Variants in PTPRO observed in about 807,000 individuals in gnomAD.
The protein encoded by PTPRO is protein tyrosine phosphatase receptor type O.
PTPRO carries 62 observed loss-of-function variants against 145.2 expected under a neutral mutation model. The observed-to-expected ratio is 0.43, with a 90% CI of 0.35 to 0.53. The LOEUF (loss-of-function observed/expected upper bound fraction) is 0.53. Among genes scored for constraint, PTPRO ranks in the 20% least tolerant of loss-of-function variants. PTPRO has a pLI of 0.01. For synonymous variants in PTPRO, 565 were observed against 514.7 expected (o/e 1.10, Z -1.32); for missense variants, 1,345 against 1,482.7 (o/e 0.91, Z 1.53).
intron 1 of PTPRO, among the ~76,000 whole-genome samples, chr12:15,467,298 A>G (rs1941437299): frequency 6.6e-6 from 1 of 152,222 alleles, no homozygotes; most frequent in Admixed American, 6.5e-5. Flanking sequence ...TTGGATGCCC[A>G]CAGTCATCTC....
At chr12:15,342,340 C>A (rs1867023424) in intron 1 of PTPRO, among the ~76,000 whole-genome samples, 1 of 152,128 alleles carries the variant, frequency 6.6e-6, no homozygotes, top group South Asian at 2.1e-4. Flanking sequence ...ATACCCATAC[C>A]ACCCAGCATT....
chr12:15,343,673 C>T (rs75495075), intron 1 of PTPRO, among the ~76,000 whole-genome samples: 2,908 of 152,198 alleles, frequency 0.019, 100 homozygotes, highest in East Asian at 0.11. Context: ...GATGAAACAG[C>T]AAGACCCTGT....
chr12:15,336,422 C>T (rs1032303595), intron 1 of PTPRO, among the ~76,000 whole-genome samples: 1 of 152,104 alleles, frequency 6.6e-6, no homozygotes, highest in Non-Finnish European at 1.5e-5. Context: ...ATCATAGATA[C>T]AGATTGTAAC....
chr12:15,586,713 A>T (rs1196964748), intron 23 of PTPRO, among the ~76,000 whole-genome samples, 184 bp from the exon 24 acceptor site: 1 of 151,976 alleles, frequency 6.6e-6, no homozygotes, highest in East Asian at 1.9e-4. Flanking sequence ...TTATACAATT[A>T]GCGTGGTTTT....
At chr12:15,557,592 A>G (rs1943668846) in intron 16 of PTPRO, 69 bp downstream of exon 16, 1 of 1,425,932 alleles carries the variant, frequency 7.0e-7, no homozygotes, top group African/African-American at 1.4e-5. Flanking sequence ...AGTCGATTTT[A>G]CTATCCTTTG....
At chr12:15,565,772 C>T (rs1227038880) in intron 18 of PTPRO, 144 bp downstream of exon 18, 1 of 618,192 alleles carries the variant, frequency 1.6e-6, no homozygotes, top group African/African-American at 1.8e-5. Context: ...CAATAATGTA[C>T]TGGTTGTTTA....
At chr12:15,335,795 C>T (rs1187484242) in intron 1 of PTPRO, among the ~76,000 whole-genome samples, 2 of 152,028 alleles carry the variant, frequency 1.3e-5, no homozygotes, top group African/African-American at 4.8e-5. Flanking sequence ...AAATAAAATA[C>T]AGTTGCATCT....
chr12:15,414,368 G>T (rs1310370104), intron 1 of PTPRO, among the ~76,000 whole-genome samples: 7 of 152,202 alleles, frequency 4.6e-5, no homozygotes, highest in Admixed American at 4.6e-4. Flanking sequence ...AAGCATTCAA[G>T]ATCCCAGAAC....
chr12:15,484,455 A>C (rs915134435), intron 2 of PTPRO, among the ~76,000 whole-genome samples: 5 of 152,134 alleles, frequency 3.3e-5, no homozygotes, highest in Admixed American at 6.6e-5. Flanking sequence ...ATATTTTTAA[A>C]CCCAAAAAAG....
chr12:15,379,609 A>G (rs550562305), intron 1 of PTPRO, among the ~76,000 whole-genome samples: 2 of 152,252 alleles, frequency 1.3e-5, no homozygotes, highest in Admixed American at 1.3e-4. Context: ...ATTTGGCAAT[A>G]AAAAATGAAT....
chr12:15,486,950 G>A (rs1308470610), intron 2 of PTPRO, among the ~76,000 whole-genome samples: 2 of 152,050 alleles, frequency 1.3e-5, no homozygotes, highest in African/African-American at 2.4e-5. Flanking sequence ...CTGGGTTTAA[G>A]GTATTAGACA....
At chr12:15,376,483 A>C (rs1314288693) in intron 1 of PTPRO, among the ~76,000 whole-genome samples, 3 of 152,254 alleles carry the variant, frequency 2.0e-5, no homozygotes, top group Non-Finnish European at 4.4e-5. Flanking sequence ...ATGAAAATAC[A>C]CTAGACAGTA....
chr12:15,574,466 C>T (rs1355456147), intron 19 of PTPRO, among the ~76,000 whole-genome samples: 1 of 152,204 alleles, frequency 6.6e-6, no homozygotes, highest in African/African-American at 2.4e-5. Context: ...TAAAGGCCCT[C>T]ACCATCTCTG....
chr12:15,464,795 A>T (rs182318129), intron 1 of PTPRO, among the ~76,000 whole-genome samples: 1 of 152,194 alleles, frequency 6.6e-6, no homozygotes, highest in Non-Finnish European at 1.5e-5. Context: ...CATCTTATGA[A>T]CAGAGGCTTT....
chr12:15,462,761 C>T (rs1235663383), intron 1 of PTPRO, among the ~76,000 whole-genome samples: 1 of 152,122 alleles, frequency 6.6e-6, no homozygotes, highest in Non-Finnish European at 1.5e-5. Flanking sequence ...ATATATTATT[C>T]ACTTAATGTA....
intron 9 of PTPRO, 30 bp downstream of exon 9, chr12:15,516,986 T>C (rs774211042): frequency 9.5e-6 from 15 of 1,577,136 alleles, no homozygotes; most frequent in Non-Finnish European, 1.3e-5. Context: ...CTGTCAGTCT[T>C]TCCTATGGGA....
intron 1 of PTPRO, among the ~76,000 whole-genome samples, chr12:15,345,411 T>C (rs1483578446): frequency 1.2e-4 from 18 of 152,158 alleles, no homozygotes; most frequent in Admixed American, 7.2e-4. Context: ...ATATGCACCA[T>C]GGTATACTAT....
intron 1 of PTPRO, among the ~76,000 whole-genome samples, chr12:15,453,758 G>A (rs974460165): frequency 2.0e-5 from 3 of 152,062 alleles, no homozygotes; most frequent in African/African-American, 7.2e-5. Flanking sequence ...CCAGCCTCTG[G>A]TAACCACAAT....
Position 15,520,264 on chromosome 12 carries a change from G to A in PTPRO, c.1843G>A (p.Asp615Asn), listed in dbSNP as rs1942687870. 6.2e-7 allele frequency: 1 copy of A among 1,613,788 alleles called. No individual in the cohort carries two copies. Among genetic ancestry groups the A allele is most frequent in the African/African-American group, 1.3e-5 (1 of 74,912 alleles). Residue 615 changes from aspartate to asparagine, a missense_variant, in exon 10 of 27, where the codon GAT (aspartate) becomes AAT (asparagine). By Grantham distance (23) the Asp-to-Asn change is conservative. This residue lies in a region of PTPRO where 1,130 missense variants were observed against 1,214.7 expected (regional missense o/e 0.93). Coordinates refer to ENST00000281171, the MANE Select transcript of PTPRO (RefSeq NM_030667.3). ...NFRVTMVTWG[D>N]PELSCCDSST... ...CCGGGTTACCATGGTGACGTGGGGA[G>A]ATCCAGAATTGAGCTGCTGTGACAG...
Sources: gnomAD v4.1 joint callset for allele counts (sites outside exome capture counted in the v4.1 genomes callset) on GRCh38, gnomAD v4.1.1 for gene constraint, gnomAD v4.1.1 regional missense constraint, MANE v1.5 for transcripts, NCBI Gene and HGNC (gene_info 2026-07-23, HGNC 2026-07-21) for gene names.